The following WDR70 variants were observed in gnomAD, a reference collection of about 807,000 sequenced individuals.
WDR70 encodes WD repeat domain 70, also known as WD repeat-containing protein 70.
In WDR70, 53 loss-of-function variants were observed where a neutral mutation model predicts 88.6. The observed-to-expected ratio is 0.60, with a 90% CI of 0.48 to 0.75. The LOEUF (loss-of-function observed/expected upper bound fraction) is 0.75. Ranked by LOEUF, WDR70 falls within the 30% of genes least tolerant of loss-of-function variation. The pLI, the probability that WDR70 is intolerant of heterozygous loss-of-function variation, is 0.00. For missense variants in WDR70, 610 were observed against 823.2 expected, an observed-to-expected ratio of 0.74 and a Z score of 3.17; for synonymous variants, 280 against 270.0, an observed-to-expected ratio of 1.04 and a Z score of -0.36.
At chr5:37,601,709 G>A (rs1743889160) in intron 9 of WDR70, among the ~76,000 whole-genome samples, 1 of 151,792 alleles carries the variant, frequency 6.6e-6, no homozygotes, top group South Asian at 2.1e-4. Flanking sequence ...CTTGTTATTG[G>A]TCTGGTCAGA....
intron 7 of WDR70, among the ~76,000 whole-genome samples, chr5:37,449,590 C>CAAAAAAAAAAAAAAAAA (rs376148041): frequency 4.7e-5 from 4 of 85,728 alleles, no homozygotes; most frequent in African/African-American, 1.7e-4. Flanking sequence ...AATTTTGTCT[C>CAAAAAAAAAAAAAAAAA]AAAAAAAAAA....
chr5:37,591,869 T>G (rs951042015), intron 9 of WDR70, among the ~76,000 whole-genome samples: 4 of 152,114 alleles, frequency 2.6e-5, no homozygotes, highest in African/African-American at 9.7e-5. Context: ...CAAAGGAGGA[T>G]TGAAAGGATT....
intron 9 of WDR70, among the ~76,000 whole-genome samples, chr5:37,539,870 A>G (rs1489499195): frequency 6.6e-6 from 1 of 151,540 alleles, no homozygotes; most frequent in Non-Finnish European, 1.5e-5. Context: ...TCACCAGATT[A>G]TGTTTGTCCT....
At chr5:37,533,818 C>G (rs1048239591) in intron 9 of WDR70, among the ~76,000 whole-genome samples, 1 of 152,124 alleles carries the variant, frequency 6.6e-6, no homozygotes, top group Non-Finnish European at 1.5e-5. Context: ...TGTCTCCACT[C>G]CCATGCAGTC....
At chr5:37,489,680 G>T (rs780705492) in intron 8 of WDR70, among the ~76,000 whole-genome samples, 6 of 152,050 alleles carry the variant, frequency 3.9e-5, no homozygotes, top group Non-Finnish European at 8.8e-5. Context: ...GACCAGTGGG[G>T]CACAGCAATC....
At chr5:37,734,504 C>G (rs1748242516) in intron 17 of WDR70, among the ~76,000 whole-genome samples, 1 of 151,850 alleles carries the variant, frequency 6.6e-6, no homozygotes, top group South Asian at 2.1e-4. Flanking sequence ...CTAGTAGAGA[C>G]AGACACTAAA....
rs866880394 is a variant in WDR70 at position 37,746,008 on chromosome 5, C to T, written c.1878-6478C>T. On this transcript the variant is annotated intron_variant, in intron 17 of 17. Transcript: ENST00000265107. ...TTCCACATGGCACTTATTCTAAAAT[C>T]GACCACATAATTGGAAGTAAAACGC... is the stretch of plus-strand genomic sequence containing the variant. Among the ~76,000 whole-genome samples, 6 of 152,176 alleles carry T rather than the reference C, an allele frequency of 3.9e-5. No homozygotes were observed. In the South Asian group the frequency reaches 8.3e-4, roughly 21 times the overall value.
chr5:37,406,166 C>T (rs998598210), intron 5 of WDR70, among the ~76,000 whole-genome samples: 1 of 152,154 alleles, frequency 6.6e-6, no homozygotes, highest in Admixed American at 6.5e-5. Context: ...GTCTTAAATA[C>T]CAGGCTATGG....
At chr5:37,466,929 G>A (rs1307298047) in intron 7 of WDR70, among the ~76,000 whole-genome samples, 1 of 151,700 alleles carries the variant, frequency 6.6e-6, no homozygotes, top group Non-Finnish European at 1.5e-5. Flanking sequence ...ACCATAAATT[G>A]GGTAGCTTAA....
In WDR70 at chr5:37,593,313, C is replaced by T. The variant is rs867098601; in HGVS notation, c.918-11751C>T. 5.9e-5 allele frequency among the ~76,000 whole-genome samples: 9 copies of T among 152,130 alleles called. 1 individual carries two copies. The South Asian group carries it at 6.2e-4, about 11-fold the overall frequency. On this transcript the variant is annotated intron_variant, in intron 9 of 17. Coordinates refer to ENST00000265107, the MANE Select transcript of WDR70 (RefSeq NM_018034.4). Reference sequence around the variant, plus strand: ...CTAATGCTATCCCTCCCCCTGCTCCCCACCCCTCAACAGGCCCCAGGATGT... The same window carrying T: ...CTAATGCTATCCCTCCCCCTGCTCCTCACCCCTCAACAGGCCCCAGGATGT...
At chr5:37,640,031 C>T (rs1333208942) in intron 10 of WDR70, among the ~76,000 whole-genome samples, 1 of 152,132 alleles carries the variant, frequency 6.6e-6, no homozygotes, top group Non-Finnish European at 1.5e-5. Flanking sequence ...AATATTACAG[C>T]CAAGAAACCC....
chr5:37,579,573 A>G (rs2112422442), intron 9 of WDR70, among the ~76,000 whole-genome samples: 1 of 117,614 alleles, frequency 8.5e-6, no homozygotes, highest in South Asian at 2.9e-4. Context: ...ACCGAGTGAG[A>G]CTCTGTCTCA....
intron 10 of WDR70, among the ~76,000 whole-genome samples, chr5:37,687,735 A>G (rs928926551): frequency 6.2e-5 from 9 of 144,790 alleles, no homozygotes; most frequent in African/African-American, 2.0e-4. Context: ...TGTTAGATCT[A>G]GCAGAATTTT....
intron 10 of WDR70, among the ~76,000 whole-genome samples, chr5:37,693,802 A>G (rs1220015706): frequency 6.6e-6 from 1 of 152,226 alleles, no homozygotes; most frequent in Admixed American, 6.5e-5. Flanking sequence ...ATGGGCAAGG[A>G]CTTCATGACT....
At chr5:37,703,492 G>T (rs1747227674) in intron 13 of WDR70, among the ~76,000 whole-genome samples, 1 of 152,224 alleles carries the variant, frequency 6.6e-6, no homozygotes, top group South Asian at 2.1e-4. Flanking sequence ...TGAAAACTTT[G>T]ACAGAACTCT....
chr5:37,734,437 A>C (rs1294063435), intron 17 of WDR70, among the ~76,000 whole-genome samples: 1 of 152,144 alleles, frequency 6.6e-6, no homozygotes, highest in Non-Finnish European at 1.5e-5. Flanking sequence ...AACACCAACT[A>C]TGTGTTAGAT....
chr5:37,662,719 G>A (rs78176609), intron 10 of WDR70, among the ~76,000 whole-genome samples: 11,159 of 151,972 alleles, frequency 0.073, 445 homozygotes, highest in South Asian at 0.13. Context: ...TTCTTCCACC[G>A]TCTCTCTTAC....
chr5:37,487,529 A>G (rs1007639601), intron 8 of WDR70, among the ~76,000 whole-genome samples: 1 of 148,902 alleles, frequency 6.7e-6, no homozygotes, highest in Non-Finnish European at 1.5e-5. Context: ...TCCTAATTAT[A>G]TTAAGTTGTT....
intron 13 of WDR70, among the ~76,000 whole-genome samples, chr5:37,717,644 T>C (rs1381862492): frequency 2.0e-5 from 3 of 152,190 alleles, no homozygotes; most frequent in African/African-American, 4.8e-5. Flanking sequence ...CAGGCACGTG[T>C]CGCATTGTTG....
Sources: gnomAD v4.1 joint callset for allele counts (sites outside exome capture counted in the v4.1 genomes callset) on GRCh38, gnomAD v4.1.1 for gene constraint, MANE v1.5 for transcripts, NCBI Gene and HGNC (gene_info 2026-07-23, HGNC 2026-07-21) for gene names.